Variants in SRSF11 observed in about 807,000 individuals in gnomAD.
SRSF11 encodes the protein serine/arginine-rich splicing factor 11.
Under a neutral mutation model 56.0 loss-of-function variants are expected in SRSF11, and 9 were observed. That is an observed-to-expected ratio of 0.16 (90% CI 0.10 to 0.28). The LOEUF is 0.28. Among genes scored for constraint, SRSF11 ranks in the 10% least tolerant of loss-of-function variants. The probability of loss-of-function intolerance (pLI) is 1.00; values close to 1 mark genes in which losing one functional copy is unlikely to be tolerated. For missense variants in SRSF11, 421 were observed against 600.7 expected, an observed-to-expected ratio of 0.70 and a Z score of 3.13; for synonymous variants, 222 against 215.3, an observed-to-expected ratio of 1.03 and a Z score of -0.27.
In SRSF11 at chr1:70,211,047, T is replaced by C. The variant is rs548499233; in HGVS notation, c.-26+5267T>C. The stretch of plus-strand genomic sequence containing the variant: ...TAAATCAGCTGGAAGTGTTTCCTAT[T>C]ATTCACAGTGATTATTACTCATAAC... On this transcript the variant is annotated intron_variant, in intron 1 of 12. Coordinates refer to the SRSF11 transcript ENST00000370950. 5.9e-5 allele frequency among the ~76,000 whole-genome samples: 9 copies of C among 152,314 alleles called. No individual in the cohort carries two copies. The South Asian group carries it at 1.0e-3, about 18-fold the overall frequency.
At chr1:70,241,772 CT>C (rs920640380) in intron 7 of SRSF11, among the ~76,000 whole-genome samples, 22 of 152,222 alleles carry the variant, frequency 1.4e-4, no homozygotes, top group African/African-American at 4.6e-4. Context: ...CAGTCTTAAT[CT>C]TCCATGACAG....
chr1:70,227,386 G>A (rs1236880439), intron 1 of SRSF11, among the ~76,000 whole-genome samples: 2 of 152,018 alleles, frequency 1.3e-5, no homozygotes, highest in African/African-American at 2.4e-5. Context: ...TTTGTACCCT[G>A]GGTGCATAAA....
In SRSF11 at chr1:70,235,485, T is replaced by C. The variant is rs768216844; in HGVS notation, c.541-16T>C. On this transcript the variant is annotated splice_polypyrimidine_tract_variant and intron_variant, in intron 4 of 11. Coordinates refer to ENST00000370949, the MANE Select transcript of SRSF11 (RefSeq NM_001350605.2). ...GTTTTATGTATTCTCATTATTCTTATGTTTTATTTTTACAGTCTCTTGCTG... is the reference window on the plus strand; with the variant it reads ...GTTTTATGTATTCTCATTATTCTTACGTTTTATTTTTACAGTCTCTTGCTG... The C allele has an allele frequency of 6.3e-6, 10 of 1,596,294 alleles. No homozygotes were observed. Among genetic ancestry groups the C allele is most frequent in the Admixed American group, 5.2e-5 (3 of 57,766 alleles).
chr1:70,219,497 T>G (rs1002467338), upstream of SRSF11, among the ~76,000 whole-genome samples: 2 of 152,188 alleles, frequency 1.3e-5, no homozygotes, highest in Admixed American at 6.5e-5. Context: ...GACCATCAAT[T>G]TTTTTCCAAA....
rs1239784129 is a variant in SRSF11 at position 70,251,698 on chromosome 1, G to A, written c.*893G>A. On this transcript the variant is annotated 3_prime_UTR_variant, in exon 12 of 12. Transcript: ENST00000370949. ...GTTTTAAGCTCCGTGTTGGAAAAAAGGGGTAGTGCATTTTAAATTGACCTT... is the reference window on the plus strand; with the variant it reads ...GTTTTAAGCTCCGTGTTGGAAAAAAAGGGTAGTGCATTTTAAATTGACCTT... 2 of 152,480 alleles carry A rather than the reference G, an allele frequency of 1.3e-5. No individual in the cohort carries two copies. Among genetic ancestry groups the A allele is most frequent in the Non-Finnish European group, 2.9e-5 (2 of 67,956 alleles). 9.4% of individuals were successfully genotyped at this position (152,480 alleles called of 1,614,324 possible).
At position 70,250,705 on chromosome 1, in the gene SRSF11, C is replaced by T; in HGVS notation, c.1355C>T (p.Thr452Ile). 5.6e-6 allele frequency: 9 copies of T among 1,613,932 alleles called. No individual in the cohort carries two copies. Among genetic ancestry groups the T allele is most frequent in the Non-Finnish European group, 6.8e-6 (8 of 1,179,924 alleles). The change falls in exon 12 of 12, where the codon ACA (threonine) becomes ATA (isoleucine). Residue 452 changes from threonine (T) to isoleucine (I), a missense_variant. Coordinates refer to ENST00000370949, the MANE Select transcript of SRSF11 (RefSeq NM_001350605.2). ...CCAATAGAAACAGGTTCCCCTAAAA[C>T]AAAGGAATGTTCTGTGGAAAAGGGA... ...KKPIETGSPK[T>I]KECSVEKGTG...
chr1:70,250,496 A>G lies in SRSF11; in HGVS notation c.1250A>G (p.Asp417Gly), dbSNP rs1677753091. ...DRERKSESDK[D>G]VKQVTRDYDE... is the part of the protein sequence containing the mutation. Reference sequence around the variant, plus strand: ...GAAAGAAAATCAGAGAGTGATAAAGATGTAAAAGTATGTTTACAAATTGAT... The same window carrying G: ...GAAAGAAAATCAGAGAGTGATAAAGGTGTAAAAGTATGTTTACAAATTGAT... The change falls in exon 11 of 12, where the codon GAT (aspartate) becomes GGT (glycine). Residue 417 changes from aspartate to glycine, a missense_variant. Physicochemically the swap from Asp to Gly is moderately conservative, Grantham distance 94. Around this residue, in one of 2 missense-constraint regions of SRSF11, gnomAD observed 253 missense variants for 305.8 expected, o/e 0.83. Transcript: ENST00000370949. 1.2e-6 allele frequency: 2 copies of G among 1,603,290 alleles called. No homozygotes were observed. Among genetic ancestry groups the G allele is most frequent in the Non-Finnish European group, 1.7e-6 (2 of 1,171,912 alleles).
At chr1:70,242,749 A>G (rs1026924115) in intron 7 of SRSF11, among the ~76,000 whole-genome samples, 11 of 152,172 alleles carry the variant, frequency 7.2e-5, no homozygotes, top group African/African-American at 2.7e-4. Context: ...TGACGGTAGT[A>G]CATTCCCCTT....
intron 2 of SRSF11, chr1:70,228,860 T>C (rs956827377): frequency 9.4e-7 from 1 of 1,068,478 alleles, no homozygotes; most frequent in Non-Finnish European, 1.1e-6. Context: ...TTAAGTTTTA[T>C]GAAAAAGCCC....
chr1:70,217,449 G>A (rs369042276), upstream of SRSF11, among the ~76,000 whole-genome samples: 8 of 152,064 alleles, frequency 5.3e-5, no homozygotes, highest in South Asian at 2.1e-4. Context: ...GAGCCACCGC[G>A]CCTGGCTGTG....
intron 1 of SRSF11, 120 bp from the exon 2 acceptor site, chr1:70,228,298 ACTAC>A: frequency 1.6e-6 from 1 of 632,058 alleles, no homozygotes; most frequent in Non-Finnish European, 2.7e-6. Flanking sequence ...TTTGAATTTA[ACTAC>A]ATTAGTATAC....
intron 2 of SRSF11, 199 bp downstream of exon 2, chr1:70,228,754 T>G: frequency 8.0e-7 from 1 of 1,248,836 alleles, no homozygotes. Flanking sequence ...TTATAAGGTA[T>G]TTACCTTTTG....
Position 70,250,714 on chromosome 1 carries a change from G to T in SRSF11, c.1364G>T (p.Cys455Phe), listed in dbSNP as rs763239570. The T allele has an allele frequency of 3.8e-5, 61 of 1,613,906 alleles. No homozygotes were observed. The highest frequency in any genetic ancestry group is 5.0e-5 in the Non-Finnish European group (59 of 1,179,964). The change falls in exon 12 of 12, where the codon TGT becomes TTT. Residue 455 changes from cysteine (C) to phenylalanine (F), a missense_variant. Cys to Phe is a radical substitution (Grantham distance 205, BLOSUM62 -2). Transcript: ENST00000370949. Reference sequence around the variant, plus strand: ...ACAGGTTCCCCTAAAACAAAGGAATGTTCTGTGGAAAAGGGAACTGGTGAT... The same window carrying T: ...ACAGGTTCCCCTAAAACAAAGGAATTTTCTGTGGAAAAGGGAACTGGTGAT... ...IETGSPKTKE[C>F]SVEKGTGDSL...
chr1:70,251,764 C>T lies in SRSF11; in HGVS notation c.*959C>T, dbSNP rs1677989495. 6.6e-6 allele frequency: 1 copy of T among 152,518 alleles called. No homozygotes were observed. The highest frequency in any genetic ancestry group is 1.5e-5 in the Non-Finnish European group (1 of 67,956). 9.4% of individuals were successfully genotyped at this position (152,518 alleles called of 1,614,324 possible). A position where few individuals can be genotyped will look rare whatever the true frequency, so the allele number is the denominator to read the frequency against. On this transcript the variant is annotated 3_prime_UTR_variant, in exon 12 of 12. Coordinates refer to ENST00000370949, the MANE Select transcript of SRSF11 (RefSeq NM_001350605.2). ...TAAGACAAATCTACTTGATAATGTA[C>T]CTTTATTTGATCTCAAGTTGTATAA...
intron 1 of SRSF11, among the ~76,000 whole-genome samples, chr1:70,209,477 A>C (rs914735169): frequency 6.6e-6 from 1 of 152,204 alleles, no homozygotes; most frequent in Non-Finnish European, 1.5e-5. Context: ...ATCTTATGGT[A>C]AAAGTTGTTT....
At position 70,250,878 on chromosome 1, in the gene SRSF11, ATTTG is replaced by A; in HGVS notation, c.*76_*79del. ...CCTTTGTGTGATTTCTTAATGCTGT[ATTTG>A]TTCATCTCAAACCTAGATGTATACA... On this transcript the variant is annotated 3_prime_UTR_variant, in exon 12 of 12. Coordinates refer to ENST00000370949, the MANE Select transcript of SRSF11 (RefSeq NM_001350605.2). 1 of 1,368,978 alleles carries A rather than the reference ATTTG, an allele frequency of 7.3e-7. No individual in the cohort carries two copies. 84.8% of individuals were successfully genotyped at this position (1,368,978 alleles called of 1,614,324 possible).
chr1:70,231,508 G>A (rs1571755827), intron 2 of SRSF11: 1 of 1,061,802 alleles, frequency 9.4e-7, no homozygotes, highest in Non-Finnish European at 1.1e-6. Context: ...CTGTATGGCA[G>A]CATTTTTTGG....
At chr1:70,230,604 C>T (rs1558179338) in intron 2 of SRSF11, 1 of 1,284,720 alleles carries the variant, frequency 7.8e-7, no homozygotes, top group East Asian at 5.6e-5. Context: ...ACTCTTGACG[C>T]ATGAAAATTA....
intron 1 of SRSF11, among the ~76,000 whole-genome samples, chr1:70,225,849 G>A (rs1671661537): frequency 6.6e-6 from 1 of 152,062 alleles, no homozygotes; most frequent in Admixed American, 6.5e-5. Flanking sequence ...GTCGTATTTG[G>A]AAGCAGTACT....
Sources: allele counts gnomAD v4.1 joint callset (sites outside exome capture counted in the v4.1 genomes callset), GRCh38; gene constraint gnomAD v4.1.1; regional missense constraint gnomAD v4.1.1; transcripts MANE v1.5; gene names NCBI Gene and HGNC (gene_info 2026-07-23, HGNC 2026-07-21).